The following ITPR3 variants were observed in gnomAD, a reference collection of about 807,000 sequenced individuals.
ITPR3 encodes the protein inositol 1,4,5-trisphosphate receptor type 3, also known as inositol 1,4,5-trisphosphate-gated calcium channel ITPR3.
Under a neutral mutation model 293.2 loss-of-function variants are expected in ITPR3, and 173 were observed. That is an observed-to-expected ratio of 0.59 (90% CI 0.52 to 0.67). The LOEUF (loss-of-function observed/expected upper bound fraction) is 0.67. Among genes scored for constraint, ITPR3 ranks in the 30% least tolerant of loss-of-function variants. The pLI, the probability that ITPR3 is intolerant of heterozygous loss-of-function variation, is 0.00. For synonymous variants in ITPR3, 1,295 were observed against 1,444.4 expected (o/e 0.90, Z 2.35); for missense variants, 2,796 against 3,592.1 (o/e 0.78, Z 5.66).
In ITPR3 at chr6:33,685,743, T is replaced by C; in HGVS notation, c.5583T>C (p.Ser1861=). The C allele has an allele frequency of 6.2e-7, 1 of 1,608,594 alleles. No homozygotes were observed. Among genetic ancestry groups the C allele is most frequent in the Non-Finnish European group, 8.5e-7 (1 of 1,176,422 alleles). ...GHEVSERVQS[S]EMGTSVLIMQ... ...AGGTGAGCGAACGTGTGCAGAGCAG[T>C]GAGATGGGCACATCCGTGCTCATCA... Residue 1861 remains serine, a synonymous_variant, in exon 41 of 58, where the codon AGT becomes AGC. Transcript: ENST00000605930.
In ITPR3 at chr6:33,675,133, T is replaced by A. The variant is rs1764871295; in HGVS notation, c.3117-558T>A. On this transcript the variant is annotated intron_variant, in intron 24 of 57. Coordinates refer to ENST00000605930, the MANE Select transcript of ITPR3 (RefSeq NM_002224.4). This position sits in a 1 kb window ranked among gnomAD's most constrained non-coding sequence, Gnocchi z 5.0. ...CAGTGGGATCTGTGTTAAGAGTCCT[T>A]GTTTCTGGCTAGGTGTGGTCGCTCA... is the stretch of plus-strand genomic sequence containing the variant. Among the ~76,000 whole-genome samples the A allele has an allele frequency of 6.6e-6, 1 of 152,182 alleles. No individual in the cohort carries two copies. Among genetic ancestry groups the A allele is most frequent in the Non-Finnish European group, 1.5e-5 (1 of 68,006 alleles).
intron 22 of ITPR3, 35 bp from the exon 23 acceptor site, chr6:33,673,556 C>T (rs199731287): frequency 5.0e-6 from 8 of 1,612,080 alleles, no homozygotes; most frequent in Non-Finnish European, 6.8e-6. Flanking sequence ...TCAGTCCTCA[C>T]CCCATCCTCA....
intron 50 of ITPR3, 124 bp downstream of exon 50, chr6:33,689,534 C>A: frequency 9.0e-7 from 1 of 1,114,106 alleles, no homozygotes; most frequent in Non-Finnish European, 1.3e-6. Context: ...CTGTTGGGCT[C>A]CCAAGTTCCT....
intron 25 of ITPR3, among the ~76,000 whole-genome samples, chr6:33,676,167 C>T (rs376411753): frequency 2.6e-5 from 4 of 152,246 alleles, no homozygotes; most frequent in East Asian, 3.8e-4. Flanking sequence ...TGTGATGTCA[C>T]GCAGTCCCGA....
intron 2 of ITPR3, among the ~76,000 whole-genome samples, chr6:33,650,412 C>T (rs1033887550): frequency 6.6e-6 from 1 of 152,190 alleles, no homozygotes; most frequent in African/African-American, 2.4e-5. Flanking sequence ...TATTAAGTTT[C>T]CAAGAAAGAT....
chr6:33,628,841 C>T (rs1316471785), intron 1 of ITPR3, among the ~76,000 whole-genome samples: 1 of 152,076 alleles, frequency 6.6e-6, no homozygotes, highest in Admixed American at 6.6e-5. Flanking sequence ...TAGCAAATTG[C>T]TCTCCCCATC....
At chr6:33,677,682 C>T (rs925996206) in intron 28 of ITPR3, 53 bp downstream of exon 28, 139 of 1,594,798 alleles carry the variant, frequency 8.7e-5, no homozygotes, top group Non-Finnish European at 1.1e-4. Flanking sequence ...CCCTGAACCC[C>T]GGCCTGACCT....
At chr6:33,630,591 C>A (rs1456354550) in intron 1 of ITPR3, among the ~76,000 whole-genome samples, 1 of 152,208 alleles carries the variant, frequency 6.6e-6, no homozygotes, top group Non-Finnish European at 1.5e-5. Flanking sequence ...GCACCCAGCA[C>A]CGCTGTAGAG....
rs991525482 is a variant in ITPR3, at chr6:33,687,827, C to T, written c.6265-230C>T. The stretch of plus-strand genomic sequence containing the variant: ...CTACACTTGGGCAGGACTGAGGAGG[C>T]CCCCGCTATCCTCTGGGATTCTCTG... On this transcript the variant is annotated intron_variant, in intron 46 of 57. Coordinates refer to ENST00000605930, the MANE Select transcript of ITPR3 (RefSeq NM_002224.4). The surrounding 1 kb of genome is among the most constrained non-coding windows in gnomAD (Gnocchi z 5.3). 1.3e-5 allele frequency among the ~76,000 whole-genome samples: 2 copies of T among 152,148 alleles called. No individual in the cohort carries two copies. The highest frequency in any genetic ancestry group is 2.4e-5 in the African/African-American group (1 of 41,432).
At chr6:33,681,648 A>C (rs1765080054) in intron 33 of ITPR3, among the ~76,000 whole-genome samples, 1 of 152,268 alleles carries the variant, frequency 6.6e-6, no homozygotes, top group East Asian at 1.9e-4. Flanking sequence ...AGAAACCCAC[A>C]AAAGGGGCTA....
At chr6:33,677,354 C>T (rs1409858842) in intron 27 of ITPR3, 150 bp from the exon 28 acceptor site, 2 of 1,056,084 alleles carry the variant, frequency 1.9e-6, no homozygotes, top group Middle Eastern at 2.9e-4. Context: ...TTAGTGCTTC[C>T]CTAGCCTGTT....
In ITPR3 at chr6:33,690,027, C is replaced by T. The variant is rs202138148; in HGVS notation, c.6868-7C>T. The T allele has an allele frequency of 1.2e-6, 2 of 1,614,136 alleles. No homozygotes were observed. Among genetic ancestry groups the T allele is most frequent in the East Asian group, 4.5e-5 (2 of 44,888 alleles). ...TGCTGACTCTCATGCCTTGCACTCG[C>T]CCCCAGCTGACCAACAAGATCGTGT... is the stretch of plus-strand genomic sequence containing the variant. On this transcript the variant is annotated splice_region_variant and splice_polypyrimidine_tract_variant and intron_variant, in intron 50 of 57. Transcript: ENST00000605930.
At chr6:33,636,911 C>T (rs1763837824) in intron 1 of ITPR3, among the ~76,000 whole-genome samples, 1 of 152,102 alleles carries the variant, frequency 6.6e-6, no homozygotes, top group Middle Eastern at 3.2e-3. Context: ...AGACAGAGGA[C>T]CCTCTGCCGT....
Position 33,693,534 on chromosome 6 carries a change from T to C in ITPR3, c.7625-11T>C, listed in dbSNP as rs563987785. On this transcript the variant is annotated splice_polypyrimidine_tract_variant and intron_variant, in intron 55 of 57. Transcript: ENST00000605930. Reference sequence around the variant, plus strand: ...GGCTGATGGTTTCATTCCCGCCCTCTGCACCCTCAGGTCTGGAGAGGGACA... The same window carrying C: ...GGCTGATGGTTTCATTCCCGCCCTCCGCACCCTCAGGTCTGGAGAGGGACA... 100 of 1,613,582 alleles carry C rather than the reference T, an allele frequency of 6.2e-5. No individual in the cohort carries two copies. In the Admixed American group the frequency reaches 1.6e-3, roughly 27 times the overall value.
chr6:33,670,678 T>C lies in ITPR3; in HGVS notation c.2449T>C (p.Ser817Pro). ...CATGGCCTCCACCCTCAGCTATGAT[T>C]CCAACCTCAACGCGTCCCGAGATGA... Reference protein sequence around the residue: ...PTAITIKDYDSNLNASRDDKK... With the variant: ...PTAITIKDYDPNLNASRDDKK... The change falls in exon 20 of 58, where the codon TCC becomes CCC. Residue 817 changes from serine to proline, a missense_variant. Physicochemically the swap from Ser to Pro is moderately conservative, Grantham distance 74 (BLOSUM62 -1). Around this residue, in one of 8 missense-constraint regions of ITPR3, gnomAD observed 955 missense variants for 1,180.8 expected, o/e 0.81. Coordinates refer to ENST00000605930, the MANE Select transcript of ITPR3 (RefSeq NM_002224.4). The surrounding 1 kb of genome is among the most constrained non-coding windows in gnomAD (Gnocchi z 6.7). 1 of 1,614,000 alleles carries C rather than the reference T, an allele frequency of 6.2e-7. No individual in the cohort carries two copies. Among genetic ancestry groups the C allele is most frequent in the Non-Finnish European group, 8.5e-7 (1 of 1,180,000 alleles).
In ITPR3 at chr6:33,621,762, C is replaced by A; in HGVS notation, c.89+71C>A. 8.5e-7 allele frequency: 1 copy of A among 1,178,932 alleles called. No individual in the cohort carries two copies. Among genetic ancestry groups the A allele is most frequent in the Non-Finnish European group, 1.2e-6 (1 of 813,864 alleles). The allele number at this position is 1,178,932 out of a possible 1,614,324, so 73.0% of individuals were successfully genotyped here. ...CGTGGGCCCTGGTGCCAGCTGCGTG[C>A]GTCCAGCCGCCGCCCCCCGATAGAG... On this transcript the variant is annotated intron_variant, in intron 1 of 57. Coordinates refer to ENST00000605930, the MANE Select transcript of ITPR3 (RefSeq NM_002224.4). The surrounding 1 kb of genome is among the most constrained non-coding windows in gnomAD (Gnocchi z 7.7).
chr6:33,630,532 C>T (rs1319359958), intron 1 of ITPR3, among the ~76,000 whole-genome samples: 1 of 152,198 alleles, frequency 6.6e-6, no homozygotes, highest in African/African-American at 2.4e-5. Flanking sequence ...CCTTTGGTCT[C>T]CTGCTCCCTG....
chr6:33,674,017 C>G (rs373838954), intron 23 of ITPR3, among the ~76,000 whole-genome samples, 191 bp from the exon 24 acceptor site: 193 of 152,320 alleles, frequency 1.3e-3, no homozygotes, highest in Non-Finnish European at 2.5e-3. Flanking sequence ...ATCTCTGCCC[C>G]CTTTGTACTG....
At chr6:33,671,336 T>G in intron 21 of ITPR3, 30 bp downstream of exon 21, 1 of 1,549,586 alleles carries the variant, frequency 6.5e-7, no homozygotes, top group Non-Finnish European at 8.8e-7. Flanking sequence ...CGGGCCACCC[T>G]GGTGGTCCTC....
Sources: allele counts gnomAD v4.1 joint callset (sites outside exome capture counted in the v4.1 genomes callset), GRCh38; gene constraint gnomAD v4.1.1; regional missense constraint gnomAD v4.1.1; non-coding constraint Gnocchi (gnomAD v3.1); transcripts MANE v1.5; gene names NCBI Gene and HGNC (gene_info 2026-07-23, HGNC 2026-07-21).